Variants in ZNF554 observed in about 807,000 individuals in gnomAD.
The protein encoded by ZNF554 is zinc finger protein 554.
A neutral mutation model predicts 21.2 loss-of-function variants in ZNF554; 15 were observed. The ratio of observed to expected loss-of-function variants is 0.71; its 90% CI spans 0.47 to 1.09. The LOEUF is 1.09. ZNF554 is among the 50% of genes least tolerant of loss of function. The pLI is 0.00. For missense variants in ZNF554, 691 were observed against 662.7 expected, an observed-to-expected ratio of 1.04 and a Z score of -0.47; for synonymous variants, 258 against 251.4, an observed-to-expected ratio of 1.03 and a Z score of -0.25.
chr19:2,834,469 G>A lies in ZNF554; in HGVS notation c.1234G>A (p.Asp412Asn). 1.2e-6 allele frequency: 2 copies of A among 1,614,084 alleles called. No homozygotes were observed. The highest frequency in any genetic ancestry group is 4.5e-5 in the East Asian group (2 of 44,882). Reference sequence around the variant, plus strand: ...CGGGGAAAAGCCCTATAAATGTGAAGACTGTGGGAAATCCTTCTGCCAGAG... The same window carrying A: ...CGGGGAAAAGCCCTATAAATGTGAAAACTGTGGGAAATCCTTCTGCCAGAG... ...HTGEKPYKCE[D>N]CGKSFCQSSY... is the part of the protein sequence containing the mutation. Residue 412 changes from aspartate (D) to asparagine (N), a missense_variant, in exon 5 of 5, where the codon GAC becomes AAC. Physicochemically the swap from Asp to Asn is conservative, Grantham distance 23. Coordinates refer to ENST00000317243, the MANE Select transcript of ZNF554 (RefSeq NM_001102651.2).
At chr19:2,826,543 T>C (rs919496845) in intron 2 of ZNF554, among the ~76,000 whole-genome samples, 1 of 152,128 alleles carries the variant, frequency 6.6e-6, no homozygotes, top group Non-Finnish European at 1.5e-5. Flanking sequence ...ACGTGCTGTT[T>C]TATACCATGG....
chr19:2,823,227 T>A, intron 2 of ZNF554, 115 bp downstream of exon 2: 3 of 1,028,744 alleles, frequency 2.9e-6, no homozygotes, highest in Non-Finnish European at 4.2e-6. Flanking sequence ...TCAGGAGAAT[T>A]CCCCAGGAGT....
At position 2,820,064 on chromosome 19, in the gene ZNF554, G is replaced by C. The variant is rs1221677471; in HGVS notation, c.-8G>C. On this transcript the variant is annotated 5_prime_UTR_variant, in exon 1 of 5. Coordinates refer to ENST00000317243, the MANE Select transcript of ZNF554 (RefSeq NM_001102651.2). ...GGGGCCCTGTCTGGCGCCTCAGCGC[G>C]CGCCCCGATGGTCACCTGCGCCCAC... The C allele has an allele frequency of 8.3e-7, 1 of 1,208,542 alleles. No homozygotes were observed. The highest frequency in any genetic ancestry group is 3.4e-5 in the East Asian group (1 of 29,468). 74.9% of individuals were successfully genotyped at this position (1,208,542 alleles called of 1,614,324 possible).
At chr19:2,822,033 A>G (rs1407659507) in intron 1 of ZNF554, among the ~76,000 whole-genome samples, 1 of 151,556 alleles carries the variant, frequency 6.6e-6, no homozygotes, top group Non-Finnish European at 1.5e-5. Context: ...TTTTCCTGAG[A>G]GCTTTTGTTT....
In ZNF554 at chr19:2,834,901, A is replaced by T. The variant is rs1162858008; in HGVS notation, c.*49A>T. On this transcript the variant is annotated 3_prime_UTR_variant, in exon 5 of 5. Coordinates refer to ENST00000317243, the MANE Select transcript of ZNF554 (RefSeq NM_001102651.2). ...CACTTTTTAGTACTCTGACACATACATGTGGTTATCTTTTGCCCTGTTGTG... is the reference window on the plus strand; with the variant it reads ...CACTTTTTAGTACTCTGACACATACTTGTGGTTATCTTTTGCCCTGTTGTG... The T allele has an allele frequency of 6.8e-7, 1 of 1,479,920 alleles. No homozygotes were observed. The highest frequency in any genetic ancestry group is 2.1e-5 in the Admixed American group (1 of 46,812). 91.7% of individuals were successfully genotyped at this position (1,479,920 alleles called of 1,614,324 possible).
intron 1 of ZNF554, among the ~76,000 whole-genome samples, chr19:2,820,526 G>A (rs1202433037): frequency 6.6e-6 from 1 of 152,072 alleles, no homozygotes; most frequent in Admixed American, 6.5e-5. Flanking sequence ...TCATAACTGG[G>A]GGCAGTTCCT....
intron 1 of ZNF554, among the ~76,000 whole-genome samples, chr19:2,822,477 C>T (rs1289458521): frequency 6.6e-6 from 1 of 152,150 alleles, no homozygotes; most frequent in Non-Finnish European, 1.5e-5. Flanking sequence ...TGAAAACAGC[C>T]TCAGGAAATG....
Position 2,821,667 on chromosome 19 carries a change from GTTTTTA to G in ZNF554, c.54-1361_54-1356del, listed in dbSNP as rs2087265738. ...TCCCTGTGTCTCTTTCTCCTTTTTTGTTTTTATTTTTATTTTTTGAGATGGGGTCTC... is the reference window on the plus strand; with the variant it reads ...TCCCTGTGTCTCTTTCTCCTTTTTTGTTTTTATTTTTTGAGATGGGGTCTC... On this transcript the variant is annotated intron_variant, in intron 1 of 4. Coordinates refer to ENST00000317243, the MANE Select transcript of ZNF554 (RefSeq NM_001102651.2). This position sits in a 1 kb window ranked among gnomAD's most constrained non-coding sequence, Gnocchi z 8.2. Among the ~76,000 whole-genome samples the G allele has an allele frequency of 6.6e-6, 1 of 150,732 alleles. No individual in the cohort carries two copies. The highest frequency in any genetic ancestry group is 1.5e-5 in the Non-Finnish European group (1 of 67,912).
chr19:2,825,752 G>A (rs1266271727), intron 2 of ZNF554, among the ~76,000 whole-genome samples: 1 of 151,802 alleles, frequency 6.6e-6, no homozygotes, highest in Non-Finnish European at 1.5e-5. Flanking sequence ...TTTTTTCCAG[G>A]ATGCAACTGA....
intron 3 of ZNF554, among the ~76,000 whole-genome samples, chr19:2,830,002 G>T (rs937685306): frequency 2.0e-5 from 3 of 151,028 alleles, no homozygotes; most frequent in Non-Finnish European, 4.4e-5. Context: ...TTGGCTCACT[G>T]CAAGCTCCGC....
chr19:2,822,249 C>G (rs1000989871), intron 1 of ZNF554, among the ~76,000 whole-genome samples: 1 of 151,950 alleles, frequency 6.6e-6, no homozygotes, highest in East Asian at 1.9e-4. Flanking sequence ...CGAGGTTTCA[C>G]CATGTTGGCC....
At chr19:2,820,322 C>G (rs1327588685) in intron 1 of ZNF554, among the ~76,000 whole-genome samples, 198 bp downstream of exon 1, 2 of 152,216 alleles carry the variant, frequency 1.3e-5, no homozygotes, top group Admixed American at 1.3e-4. Context: ...TGTGAAAACG[C>G]CCCTGGGTGA....
In ZNF554 at chr19:2,834,819, G is replaced by C; in HGVS notation, c.1584G>C (p.Ala528=). ...KTYKIIDCGK[A]FYQNRHLIGY ...ATAAAATCATTGACTGTGGGAAAGCGTTCTACCAGAACAGACATCTTATTG... is the reference window on the plus strand; with the variant it reads ...ATAAAATCATTGACTGTGGGAAAGCCTTCTACCAGAACAGACATCTTATTG... The change falls in exon 5 of 5, where the codon GCG becomes GCC. Residue 528 remains alanine (A), a synonymous_variant. Transcript: ENST00000317243. The C allele has an allele frequency of 1.2e-6, 2 of 1,603,042 alleles. No homozygotes were observed.
chr19:2,823,021 G>A lies in ZNF554; in HGVS notation c.54-19G>A, dbSNP rs765524743. ...CTGGCCTGGATCTGGTATTCGCAGC[G>A]CCTTTTTCCTCCCCACAGCTCTGCC... On this transcript the variant is annotated intron_variant, in intron 1 of 4. Transcript: ENST00000317243. 46 of 1,611,242 alleles carry A rather than the reference G, an allele frequency of 2.9e-5. No individual in the cohort carries two copies. Among genetic ancestry groups the A allele is most frequent in the Admixed American group, 6.7e-5 (4 of 59,842 alleles).
Position 2,834,939 on chromosome 19 carries a change from A to G in ZNF554, c.*87A>G. 7.9e-7 allele frequency: 1 copy of G among 1,260,536 alleles called. No individual in the cohort carries two copies. Among genetic ancestry groups the G allele is most frequent in the East Asian group, 2.4e-5 (1 of 42,468 alleles). The allele number at this position is 1,260,536 out of a possible 1,614,324, so 78.1% of individuals were successfully genotyped here. A position where few individuals can be genotyped will look rare whatever the true frequency, so the allele number is the denominator to read the frequency against. On this transcript the variant is annotated 3_prime_UTR_variant, in exon 5 of 5. Coordinates refer to ENST00000317243, the MANE Select transcript of ZNF554 (RefSeq NM_001102651.2). ...TTGCCCTGTTGTGATGGATAATTTG[A>G]AAAGAAGTGGGTTTATGTCACCTTC...
rs1310074980 is a variant in ZNF554 at position 2,819,939 on chromosome 19, C to T, written c.-133C>T. The T allele has an allele frequency of 3.1e-6, 2 of 642,288 alleles. No homozygotes were observed. The highest frequency in any genetic ancestry group is 4.3e-6 in the Non-Finnish European group (2 of 469,562). The allele number at this position is 642,288 out of a possible 1,614,324, so 39.8% of individuals were successfully genotyped here. On this transcript the variant is annotated 5_prime_UTR_variant, in exon 1 of 5. Coordinates refer to ENST00000317243, the MANE Select transcript of ZNF554 (RefSeq NM_001102651.2). ...GCGGCGAGTTCCTGAGGGGCGCCTG[C>T]GGGGGGCGTCCGCTCCGAGCGCCGA...
intron 2 of ZNF554, among the ~76,000 whole-genome samples, chr19:2,825,299 C>T (rs1338516414): frequency 6.6e-6 from 1 of 151,908 alleles, no homozygotes; most frequent in African/African-American, 2.4e-5. Context: ...CAGGTGTGAG[C>T]CACCACGTCC....
intron 2 of ZNF554, among the ~76,000 whole-genome samples, chr19:2,827,117 C>G (rs1002601226): frequency 6.6e-6 from 1 of 152,178 alleles, no homozygotes; most frequent in Non-Finnish European, 1.5e-5. Flanking sequence ...CTGACTATGG[C>G]AATAGCAAAT....
At chr19:2,832,271 C>G in intron 3 of ZNF554, 32 bp from the exon 4 acceptor site, 4 of 1,524,538 alleles carry the variant, frequency 2.6e-6, no homozygotes, top group Middle Eastern at 1.8e-4. Flanking sequence ...TTATCTTGTG[C>G]TACCTCTCAA....
Sources: gnomAD v4.1 joint callset for allele counts (sites outside exome capture counted in the v4.1 genomes callset) on GRCh38, gnomAD v4.1.1 for gene constraint, Gnocchi (gnomAD v3.1) non-coding constraint, MANE v1.5 for transcripts, NCBI Gene and HGNC (gene_info 2026-07-23, HGNC 2026-07-21) for gene names.